RPS6KC1: variants seen among roughly 807,000 people sequenced by gnomAD.
RPS6KC1 encodes ribosomal protein S6 kinase C1, also known as inactive ribosomal protein S6 kinase delta-1.
Under a neutral mutation model 103.8 loss-of-function variants are expected in RPS6KC1, and 54 were observed. The observed-to-expected ratio is 0.52, with a 90% CI of 0.42 to 0.65. The LOEUF is 0.65. RPS6KC1 is among the 30% of genes least tolerant of loss of function. The probability of loss-of-function intolerance (pLI) is 0.00; values close to 1 mark genes in which losing one functional copy is unlikely to be tolerated. For missense variants in RPS6KC1, 1,151 were observed against 1,253.8 expected (o/e 0.92, Z 1.24); for synonymous variants, 439 against 438.7 (o/e 1.00, Z -0.01).
chr1:213,333,626 C>T, the RPS6KC1 span, among the ~76,000 whole-genome samples: 18 of 152,046 alleles, frequency 1.2e-4, no homozygotes, highest in Non-Finnish European at 1.8e-4. Flanking sequence ...AGGGACATTT[C>T]GATAACAAGA....
the RPS6KC1 span, among the ~76,000 whole-genome samples, chr1:213,800,610 C>T: frequency 6.6e-6 from 1 of 152,138 alleles, no homozygotes; most frequent in Non-Finnish European, 1.5e-5. Context: ...CACCTGGCCA[C>T]CTGTAAGTAA....
the RPS6KC1 span, chr1:213,429,103 A>G: frequency 6.6e-6 from 1 of 152,156 alleles, no homozygotes; most frequent in African/African-American, 2.4e-5. Flanking sequence ...GGAAAAAAAA[A>G]TCTGGGAGTT....
At chr1:213,829,476 A>AG in the RPS6KC1 span, among the ~76,000 whole-genome samples, 1 of 152,148 alleles carries the variant, frequency 6.6e-6, no homozygotes, top group Non-Finnish European at 1.5e-5. Flanking sequence ...CTCACTTTAA[A>AG]GGGTCATATC....
the RPS6KC1 span, chr1:213,429,101 A>C: frequency 6.6e-6 from 1 of 152,178 alleles, no homozygotes; most frequent in South Asian, 2.1e-4. Context: ...TTGGAAAAAA[A>C]AATCTGGGAG....
intron 8 of RPS6KC1, among the ~76,000 whole-genome samples, chr1:213,216,592 C>G (rs941064543): frequency 2.6e-5 from 4 of 152,142 alleles, no homozygotes; most frequent in Non-Finnish European, 4.4e-5. Flanking sequence ...CACACCACAC[C>G]TATTACAAAA....
chr1:213,706,170 C>T, the RPS6KC1 span, among the ~76,000 whole-genome samples: 23 of 152,302 alleles, frequency 1.5e-4, no homozygotes, highest in East Asian at 4.1e-3. Flanking sequence ...CTAGGAATTG[C>T]AGTCCTTATG....
chr1:213,242,224 C>A lies in RPS6KC1; in HGVS notation c.2748C>A (p.Ala916=), dbSNP rs760591836. The A allele has an allele frequency of 6.2e-6, 10 of 1,613,790 alleles. No homozygotes were observed. Among genetic ancestry groups the A allele is most frequent in the Admixed American group, 5.0e-5 (3 of 59,952 alleles). ...GATGGGCAGCTGAAATGGTGGTAGC[C>A]CTTGATGCTTTACATAGAGAGGGAA... is the stretch of plus-strand genomic sequence containing the variant. ...IQRWAAEMVV[A]LDALHREGIV... The change falls in exon 11 of 15, where the codon GCC becomes GCA. Residue 916 remains alanine, a synonymous_variant. Transcript: ENST00000366960.
chr1:213,655,966 G>T, the RPS6KC1 span, among the ~76,000 whole-genome samples: 1 of 152,154 alleles, frequency 6.6e-6, no homozygotes, highest in Non-Finnish European at 1.5e-5. Context: ...TCAGAATTCA[G>T]TCTCTATTTT....
chr1:213,758,578 CAAAAA>C, the RPS6KC1 span, among the ~76,000 whole-genome samples: 1 of 101,722 alleles, frequency 9.8e-6, no homozygotes, highest in African/African-American at 3.7e-5. Flanking sequence ...GACTCTGTCT[CAAAAA>C]AAAAAAAAAA....
chr1:213,798,234 C>G, the RPS6KC1 span, among the ~76,000 whole-genome samples: 1 of 152,200 alleles, frequency 6.6e-6, no homozygotes, highest in Non-Finnish European at 1.5e-5. Flanking sequence ...CTGCCGTTAA[C>G]TTCAAAAGGT....
At chr1:213,511,352 C>T in the RPS6KC1 span, among the ~76,000 whole-genome samples, 26 of 152,032 alleles carry the variant, frequency 1.7e-4, no homozygotes, top group Admixed American at 6.5e-4. Flanking sequence ...TCTGGCAAGC[C>T]GGGGCTGGCC....
chr1:213,813,749 G>C, the RPS6KC1 span, among the ~76,000 whole-genome samples: 3 of 152,164 alleles, frequency 2.0e-5, no homozygotes, highest in South Asian at 4.1e-4. Flanking sequence ...CCTTGGAAGT[G>C]GGGGAGCAGG....
chr1:213,662,884 C>A, the RPS6KC1 span, among the ~76,000 whole-genome samples: 1 of 152,210 alleles, frequency 6.6e-6, no homozygotes, highest in Admixed American at 6.5e-5. Context: ...GTCACTTATT[C>A]AATCCTGTTC....
At chr1:213,192,379 G>A (rs1016913256) in intron 8 of RPS6KC1, among the ~76,000 whole-genome samples, 9 of 151,834 alleles carry the variant, frequency 5.9e-5, no homozygotes, top group Non-Finnish European at 1.0e-4. Flanking sequence ...TTTTCATATC[G>A]GGGTAATACT....
At chr1:213,360,935 C>T in the RPS6KC1 span, among the ~76,000 whole-genome samples, 1 of 152,198 alleles carries the variant, frequency 6.6e-6, no homozygotes, top group Non-Finnish European at 1.5e-5. Flanking sequence ...TCTCAGAGGG[C>T]TACTCGGCTG....
chr1:213,083,676 AT>A (rs1280505637), intron 3 of RPS6KC1, among the ~76,000 whole-genome samples: 1 of 152,096 alleles, frequency 6.6e-6, no homozygotes, highest in Non-Finnish European at 1.5e-5. Context: ...GAGATCTTGT[AT>A]GTGGGAGGGG....
At chr1:213,791,731 A>G in the RPS6KC1 span, among the ~76,000 whole-genome samples, 1 of 152,184 alleles carries the variant, frequency 6.6e-6, no homozygotes, top group Admixed American at 6.5e-5. Context: ...GCTTCATAAC[A>G]TCCCTATGAG....
the RPS6KC1 span, among the ~76,000 whole-genome samples, chr1:213,555,886 A>T: frequency 2.0e-5 from 3 of 152,132 alleles, no homozygotes. Context: ...TTTCTCTAAG[A>T]ATGCTTGGGA....
At chr1:213,789,949 CT>C in the RPS6KC1 span, among the ~76,000 whole-genome samples, 1 of 152,132 alleles carries the variant, frequency 6.6e-6, no homozygotes, top group Non-Finnish European at 1.5e-5. Context: ...AAATTAACAA[CT>C]TTCAATGGTT....
Sources: gnomAD v4.1 joint callset for allele counts (sites outside exome capture counted in the v4.1 genomes callset) on GRCh38, gnomAD v4.1.1 for gene constraint, MANE v1.5 for transcripts, NCBI Gene and HGNC (gene_info 2026-07-23, HGNC 2026-07-21) for gene names.